The following C4BPA variants were observed in gnomAD, a reference collection of about 807,000 sequenced individuals.
C4BPA encodes complement component 4 binding protein alpha.
C4BPA carries 31 observed loss-of-function variants against 63.7 expected under a neutral mutation model. The ratio of observed to expected loss-of-function variants is 0.49; its 90% CI spans 0.37 to 0.66. The LOEUF is 0.66. C4BPA is among the 30% of genes least tolerant of loss of function. The pLI is 0.00. For synonymous variants in C4BPA, 259 were observed against 254.7 expected (o/e 1.02, Z -0.16); for missense variants, 572 against 723.3 (o/e 0.79, Z 2.40).
intron 3 of C4BPA, chr1:207,114,718 T>G (rs989763237): frequency 5.7e-6 from 1 of 176,266 alleles, no homozygotes; most frequent in African/African-American, 2.4e-5. Context: ...GGTCTCAAAC[T>G]CCTGACCTCA....
intron 4 of C4BPA, among the ~76,000 whole-genome samples, chr1:207,116,996 C>T (rs1407416467): frequency 6.6e-6 from 1 of 152,156 alleles, no homozygotes; most frequent in Admixed American, 6.5e-5. Flanking sequence ...GTTTCACAGT[C>T]ATTTAATAAT....
In C4BPA at chr1:207,131,565, A is replaced by C; in HGVS notation, c.909A>C (p.Pro303=). ...GAGTAGATAGTTGTATTAATTTACC[A>C]GACATTCCACATGCTTCCTGGGAAA... The part of the protein sequence containing the change: ...ACEPNSCINL[P]DIPHASWETY... The change falls in exon 8 of 12, where the codon CCA becomes CCC. Residue 303 remains proline, a synonymous_variant. Transcript: ENST00000367070. 2 of 1,610,312 alleles carry C rather than the reference A, an allele frequency of 1.2e-6. No homozygotes were observed. The highest frequency in any genetic ancestry group is 1.1e-5 in the South Asian group (1 of 90,784).
intron 4 of C4BPA, among the ~76,000 whole-genome samples, chr1:207,116,556 G>A (rs7519312): frequency 0.6 from 88,567 of 147,172 alleles, 27,440 homozygotes; most frequent in East Asian, 0.73. Flanking sequence ...GTGTGTGTGT[G>A]TGTATAATGT....
At chr1:207,131,477 C>G in intron 7 of C4BPA, 69 bp from the exon 8 acceptor site, 1 of 1,112,088 alleles carries the variant, frequency 9.0e-7, no homozygotes, top group Non-Finnish European at 1.3e-6. Context: ...ATAGGACAGG[C>G]TTATTGACTG....
intron 1 of C4BPA, among the ~76,000 whole-genome samples, chr1:207,105,615 G>A (rs1684544844): frequency 6.6e-6 from 1 of 151,540 alleles, no homozygotes; most frequent in Admixed American, 6.6e-5. Context: ...GAAAGTGTGG[G>A]AGCCAGTTCT....
In C4BPA at chr1:207,124,378, T is replaced by A; in HGVS notation, c.706+12T>A. On this transcript the variant is annotated intron_variant, in intron 6 of 11. Transcript: ENST00000367070. ...TCCTACCTGTGAAAGTAAGTCATAA[T>A]GATGAATTCTGCATCAAAATGTTTG... 1 of 1,572,782 alleles carries A rather than the reference T, an allele frequency of 6.4e-7. No homozygotes were observed. Among genetic ancestry groups the A allele is most frequent in the Non-Finnish European group, 8.7e-7 (1 of 1,145,972 alleles).
chr1:207,122,272 C>T (rs1000735425), intron 4 of C4BPA, among the ~76,000 whole-genome samples: 4 of 152,104 alleles, frequency 2.6e-5, no homozygotes, highest in African/African-American at 4.8e-5. Flanking sequence ...ATATCTGAGG[C>T]ATTGATACCT....
At chr1:207,120,845 A>G (rs1009781643) in intron 4 of C4BPA, among the ~76,000 whole-genome samples, 4 of 152,204 alleles carry the variant, frequency 2.6e-5, no homozygotes, top group African/African-American at 9.6e-5. Context: ...TTCTCCCTCT[A>G]TCACACAGGC....
chr1:207,125,394 C>T (rs901587169), intron 6 of C4BPA, among the ~76,000 whole-genome samples: 9 of 152,160 alleles, frequency 5.9e-5, no homozygotes, highest in African/African-American at 2.2e-4. Flanking sequence ...TGGGACAAAA[C>T]TTAACTGACA....
At chr1:207,122,209 A>G (rs1684934982) in intron 4 of C4BPA, among the ~76,000 whole-genome samples, 1 of 152,084 alleles carries the variant, frequency 6.6e-6, no homozygotes, top group African/African-American at 2.4e-5. Flanking sequence ...GTGGTTTCCA[A>G]AAAAAAGTCC....
intron 1 of C4BPA, among the ~76,000 whole-genome samples, chr1:207,105,521 C>A (rs1210442346): frequency 1.4e-5 from 2 of 142,292 alleles, no homozygotes; most frequent in African/African-American, 2.7e-5. Context: ...CGTGCCATTG[C>A]ACTCTAGTCT....
chr1:207,113,615 A>T (rs1295383737), intron 2 of C4BPA, among the ~76,000 whole-genome samples: 1 of 152,226 alleles, frequency 6.6e-6, no homozygotes, highest in Non-Finnish European at 1.5e-5. Context: ...ATGTAAAAAA[A>T]ATAAATTAAA....
intron 9 of C4BPA, among the ~76,000 whole-genome samples, chr1:207,138,165 G>A (rs1351948037): frequency 1.3e-5 from 2 of 152,152 alleles, no homozygotes; most frequent in Non-Finnish European, 2.9e-5. Context: ...GGACAGTTTG[G>A]TTATACTGGA....
chr1:207,116,265 A>G (rs1273656230), intron 4 of C4BPA, among the ~76,000 whole-genome samples: 1 of 152,190 alleles, frequency 6.6e-6, no homozygotes, highest in Admixed American at 6.5e-5. Context: ...GTTTCACTGT[A>G]CATTTCTCTT....
intron 1 of C4BPA, among the ~76,000 whole-genome samples, chr1:207,105,784 G>C (rs533564165): frequency 1.1e-4 from 17 of 152,262 alleles, no homozygotes; most frequent in African/African-American, 4.1e-4. Flanking sequence ...AACTTCTCAT[G>C]GAAGGAGAAA....
chr1:207,113,793 G>C (rs115102912), intron 2 of C4BPA, among the ~76,000 whole-genome samples: 1,758 of 152,180 alleles, frequency 0.012, 35 homozygotes, highest in African/African-American at 0.04. Flanking sequence ...AGTCAGGTTG[G>C]TGAAGTTCAT....
intron 2 of C4BPA, 46 bp from the exon 3 acceptor site, chr1:207,114,054 G>A (rs1217867363): frequency 6.0e-6 from 9 of 1,506,798 alleles, no homozygotes; most frequent in Non-Finnish European, 7.3e-6. Flanking sequence ...AAGATGCTGT[G>A]TCCCAAGGTA....
chr1:207,134,249 G>A (rs1321590464), intron 8 of C4BPA, among the ~76,000 whole-genome samples, 155 bp from the exon 9 acceptor site: 2 of 152,198 alleles, frequency 1.3e-5, no homozygotes, highest in East Asian at 1.9e-4. Context: ...AATAAGGGGG[G>A]AAAGAGCAGA....
chr1:207,132,394 T>C (rs956777918), intron 8 of C4BPA, among the ~76,000 whole-genome samples: 2 of 152,168 alleles, frequency 1.3e-5, no homozygotes, highest in African/African-American at 4.8e-5. Flanking sequence ...AGGAAGAAAA[T>C]GCTTTCTTCT....
Sources: gnomAD v4.1 joint callset for allele counts (sites outside exome capture counted in the v4.1 genomes callset) on GRCh38, gnomAD v4.1.1 for gene constraint, MANE v1.5 for transcripts, NCBI Gene and HGNC (gene_info 2026-07-23, HGNC 2026-07-21) for gene names.